Variants in FSD1L observed in about 807,000 individuals in gnomAD.
FSD1L encodes FSD1-like protein.
Under a neutral mutation model 71.6 loss-of-function variants are expected in FSD1L, and 45 were observed. That is an observed-to-expected ratio of 0.63 (90% CI 0.49 to 0.81). The LOEUF is 0.81. Ranked by LOEUF, FSD1L falls within the 30% of genes least tolerant of loss-of-function variation. The pLI is 0.00. For synonymous variants in FSD1L, 197 were observed against 207.2 expected, an observed-to-expected ratio of 0.95 and a Z score of 0.42; for missense variants, 561 against 618.1, an observed-to-expected ratio of 0.91 and a Z score of 0.98.
At chr9:105,483,274 C>A (rs1832328897) in intron 6 of FSD1L, among the ~76,000 whole-genome samples, 1 of 152,116 alleles carries the variant, frequency 6.6e-6, no homozygotes. Flanking sequence ...TAACTAAATA[C>A]AGAAATAGCT....
At chr9:105,539,980 T>C (rs1189216085) in intron 13 of FSD1L, among the ~76,000 whole-genome samples, 1 of 152,146 alleles carries the variant, frequency 6.6e-6, no homozygotes, top group Non-Finnish European at 1.5e-5. Context: ...GATAAATGTA[T>C]GTGTATATTT....
chr9:105,501,596 ATTTT>A (rs5899666), intron 7 of FSD1L, among the ~76,000 whole-genome samples: 3 of 133,372 alleles, frequency 2.2e-5, no homozygotes, highest in Non-Finnish European at 3.2e-5. Flanking sequence ...CTAATTTTTA[ATTTT>A]TTTTTTTTTT....
intron 10 of FSD1L, chr9:105,524,505 A>G: frequency 1.2e-6 from 2 of 1,613,880 alleles, no homozygotes; most frequent in Non-Finnish European, 8.5e-7. Context: ...GGGAGCAGAA[A>G]GCGATAAAAC....
intron 7 of FSD1L, among the ~76,000 whole-genome samples, chr9:105,493,610 A>G (rs1331437666): frequency 2.6e-5 from 4 of 152,072 alleles, no homozygotes; most frequent in East Asian, 3.9e-4. Context: ...GGTCTTTACA[A>G]TTTGGCCTGA....
At position 105,549,474 on chromosome 9, in the gene FSD1L, C is replaced by T. The variant is rs115854730; in HGVS notation, c.*2991C>T. Reference sequence around the variant, plus strand: ...CAATTCTTTGAATGTTCCAGGTGTACGTAAACTAACTGAAAGTATTAAGGA... The same window carrying T: ...CAATTCTTTGAATGTTCCAGGTGTATGTAAACTAACTGAAAGTATTAAGGA... On this transcript the variant is annotated 3_prime_UTR_variant, in exon 14 of 14. Coordinates refer to ENST00000481272, the MANE Select transcript of FSD1L (RefSeq NM_001145313.3). 4.7e-4 allele frequency: 72 copies of T among 152,022 alleles called. No individual in the cohort carries two copies. Among genetic ancestry groups the T allele is most frequent in the African/African-American group, 1.2e-3 (49 of 41,508 alleles). 9.4% of individuals were successfully genotyped at this position (152,022 alleles called of 1,614,324 possible).
chr9:105,452,889 C>T (rs1342848527), intron 1 of FSD1L, among the ~76,000 whole-genome samples: 1 of 151,968 alleles, frequency 6.6e-6, no homozygotes, highest in Non-Finnish European at 1.5e-5. Flanking sequence ...TGCATGCCAC[C>T]ATATACTTGG....
chr9:105,452,997 A>G (rs911354004), intron 1 of FSD1L, among the ~76,000 whole-genome samples: 2 of 150,056 alleles, frequency 1.3e-5, no homozygotes, highest in Non-Finnish European at 2.9e-5. Flanking sequence ...TTGGCCTCCT[A>G]AAGTGCTGGG....
intron 9 of FSD1L, 87 bp downstream of exon 9, chr9:105,508,802 G>T: frequency 1.3e-6 from 1 of 741,430 alleles, no homozygotes; most frequent in Non-Finnish European, 2.2e-6. Context: ...CACTTCATGT[G>T]ATGTTGAATT....
chr9:105,491,003 C>A (rs1832900681), intron 7 of FSD1L, among the ~76,000 whole-genome samples: 1 of 150,966 alleles, frequency 6.6e-6, no homozygotes, highest in Non-Finnish European at 1.5e-5. Flanking sequence ...TTTTTTGGTT[C>A]CATATGAACT....
chr9:105,467,465 T>A (rs1245379258), intron 3 of FSD1L, among the ~76,000 whole-genome samples: 1 of 152,158 alleles, frequency 6.6e-6, no homozygotes, highest in Non-Finnish European at 1.5e-5. Flanking sequence ...TAGCAGCAAA[T>A]ATAGCAATGG....
intron 5 of FSD1L, among the ~76,000 whole-genome samples, chr9:105,475,549 A>ATCTT (rs1231927414): frequency 6.6e-6 from 1 of 152,130 alleles, no homozygotes; most frequent in Non-Finnish European, 1.5e-5. Context: ...TGAAGTTAAG[A>ATCTT]ATGTTAGGAG....
chr9:105,490,339 T>A (rs1345959175), intron 7 of FSD1L, among the ~76,000 whole-genome samples: 2 of 152,042 alleles, frequency 1.3e-5, no homozygotes, highest in African/African-American at 4.8e-5. Context: ...TTCGCCCACT[T>A]TTTGATGGAG....
chr9:105,485,817 G>A (rs1588984421), intron 7 of FSD1L, among the ~76,000 whole-genome samples: 1 of 151,926 alleles, frequency 6.6e-6, no homozygotes, highest in East Asian at 1.9e-4. Context: ...CTAATTTTCT[G>A]TATTTTTAGT....
intron 10 of FSD1L, among the ~76,000 whole-genome samples, chr9:105,531,393 T>C (rs1835886426): frequency 6.6e-6 from 1 of 152,216 alleles, no homozygotes; most frequent in Admixed American, 6.5e-5. Flanking sequence ...CAAAATCTTG[T>C]TGACTTTCTT....
chr9:105,523,013 T>G (rs1835279968), intron 10 of FSD1L: 2 of 1,614,174 alleles, frequency 1.2e-6, no homozygotes, highest in South Asian at 2.2e-5. Flanking sequence ...TCCAATATGA[T>G]GGCCAAAAAT....
At chr9:105,531,524 C>T (rs570522116) in intron 10 of FSD1L, among the ~76,000 whole-genome samples, 1 of 152,304 alleles carries the variant, frequency 6.6e-6, no homozygotes, top group East Asian at 1.9e-4. Flanking sequence ...AGCTAGTGTT[C>T]TCAGGTTATT....
At chr9:105,481,183 CTTTTT>C (rs1169730136) in intron 6 of FSD1L, among the ~76,000 whole-genome samples, 2 of 28,772 alleles carry the variant, frequency 7.0e-5, no homozygotes, top group Non-Finnish European at 1.4e-4. Flanking sequence ...GTGTGTGGTT[CTTTTT>C]TTTTTTTTTT....
At chr9:105,448,026 G>A (rs1255251681), upstream of FSD1L, 2 of 620,142 alleles carry the variant, frequency 3.2e-6, no homozygotes, top group Admixed American at 5.9e-5. Flanking sequence ...TCCCTTCTGC[G>A]GGCCGCCCTT....
At chr9:105,509,250 A>G (rs1467168946) in intron 9 of FSD1L, among the ~76,000 whole-genome samples, 1 of 152,230 alleles carries the variant, frequency 6.6e-6, no homozygotes, top group Non-Finnish European at 1.5e-5. Context: ...GAGTTTTCAT[A>G]TATTAAATGA....
Sources: gnomAD v4.1 joint callset for allele counts (sites outside exome capture counted in the v4.1 genomes callset) on GRCh38, gnomAD v4.1.1 for gene constraint, MANE v1.5 for transcripts, NCBI Gene and HGNC (gene_info 2026-07-23, HGNC 2026-07-21) for gene names.